Variants in COL5A3 observed in about 807,000 individuals in gnomAD.
COL5A3 encodes the protein collagen alpha-3(V) chain.
COL5A3 carries 172 observed loss-of-function variants against 250.0 expected under a neutral mutation model. That is an observed-to-expected ratio of 0.69 (90% CI 0.61 to 0.78). COL5A3 has a LOEUF of 0.78. Ranked by LOEUF, COL5A3 falls within the 30% of genes least tolerant of loss-of-function variation. COL5A3 has a pLI of 0.00. For missense variants in COL5A3, 2,340 were observed against 2,334.4 expected (o/e 1.00, Z -0.05); for synonymous variants, 937 against 900.4 (o/e 1.04, Z -0.73).
At chr19:10,003,939 C>G (rs2087400575) in intron 5 of COL5A3, 102 bp downstream of exon 5, 1 of 1,108,114 alleles carries the variant, frequency 9.0e-7, no homozygotes, top group Non-Finnish European at 1.4e-6. Context: ...GGTCACTTAA[C>G]CCCATGTCTG....
chr19:9,960,835 A>C lies in COL5A3; in HGVS notation c.4907T>G (p.Leu1636Arg), dbSNP rs1161732874. Reference protein sequence around the residue: ...SPVNVVQLNFLKLLSATARQN... With the variant: ...SPVNVVQLNFRKLLSATARQN... ...GCGAGCTGTGGCACTCAGCAGTTTC[A>C]GGAAGTTCAGCTGCACGACATTCAC... Residue 1636 changes from leucine (L) to arginine (R), a missense_variant, in exon 66 of 67, where the codon CTG becomes CGG. Coordinates refer to ENST00000264828, the MANE Select transcript of COL5A3 (RefSeq NM_015719.4). 1 of 1,612,448 alleles carries C rather than the reference A, an allele frequency of 6.2e-7. No individual in the cohort carries two copies. Among genetic ancestry groups the C allele is most frequent in the Non-Finnish European group, 8.5e-7 (1 of 1,180,038 alleles).
At chr19:9,991,351 A>G (rs987076608) in intron 24 of COL5A3, among the ~76,000 whole-genome samples, 1 of 152,228 alleles carries the variant, frequency 6.6e-6, no homozygotes, top group Non-Finnish European at 1.5e-5. Flanking sequence ...CCTCTTGGTA[A>G]TATCTTCTGT....
At chr19:9,972,375 A>G (rs185513046) in intron 51 of COL5A3, among the ~76,000 whole-genome samples, 7 of 152,320 alleles carry the variant, frequency 4.6e-5, no homozygotes, top group Non-Finnish European at 8.8e-5. Context: ...TCATTCACGT[A>G]TTCATCCATC....
intron 51 of COL5A3, among the ~76,000 whole-genome samples, chr19:9,971,861 C>T (rs1225161323): frequency 6.8e-6 from 1 of 146,738 alleles, no homozygotes; most frequent in Non-Finnish European, 1.5e-5. Flanking sequence ...GTTTATGTTT[C>T]ATTCACACAT....
Position 9,979,431 on chromosome 19 carries a change from T to C in COL5A3, c.2713-14A>G, listed in dbSNP as rs2086972173. 2.5e-6 allele frequency: 4 copies of C among 1,613,456 alleles called. No individual in the cohort carries two copies. Among genetic ancestry groups the C allele is most frequent in the Non-Finnish European group, 3.4e-6 (4 of 1,179,808 alleles). On this transcript the variant is annotated splice_polypyrimidine_tract_variant and intron_variant, in intron 37 of 66. Coordinates refer to ENST00000264828, the MANE Select transcript of COL5A3 (RefSeq NM_015719.4). ...ACCTTGGAAGCCCTAGAGAGAAAAA[T>C]TAAATGTGGGGGCGGTGTTACATGG...
At chr19:9,996,143 GTGTGGGTAGATGATTCTTCACTAA>G in intron 14 of COL5A3, 24 bp from the exon 15 acceptor site, 1 of 1,558,960 alleles carries the variant, frequency 6.4e-7, no homozygotes, top group Non-Finnish European at 8.7e-7. Flanking sequence ...AGATGGAGGA[GTGTGGGTAGATGATTCTTCACTAA>G]TGCATGCACC....
intron 51 of COL5A3, 83 bp from the exon 52 acceptor site, chr19:9,971,341 A>G: frequency 9.0e-7 from 1 of 1,110,088 alleles, no homozygotes; most frequent in African/African-American, 1.6e-5. Context: ...TGTATCCAGG[A>G]ACAGTTTGGT....
chr19:9,982,078 T>C lies in COL5A3; in HGVS notation c.2447A>G (p.Glu816Gly). 2 of 1,610,594 alleles carry C rather than the reference T, an allele frequency of 1.2e-6. No individual in the cohort carries two copies. The highest frequency in any genetic ancestry group is 1.7e-6 in the Non-Finnish European group (2 of 1,178,070). Residue 816 changes from glutamate to glycine, a missense_variant, in exon 32 of 67, where the codon GAG (glutamate) becomes GGG (glycine). Around this residue, in one of 3 missense-constraint regions of COL5A3, gnomAD observed 1,152 missense variants for 1,146.3 expected, o/e 1.00. Coordinates refer to ENST00000264828, the MANE Select transcript of COL5A3 (RefSeq NM_015719.4). ...GTCATGACTCACCGACTTCCCTTTC[T>C]CTCCTATGGGTCCCAGGGGACCGGG... ...GFPGPLGPIG[E>G]KGKSGKTGQP...
intron 66 of COL5A3, 35 bp from the exon 67 acceptor site, chr19:9,960,592 G>A (rs745721099): frequency 1.7e-5 from 27 of 1,613,530 alleles, no homozygotes; most frequent in South Asian, 5.5e-5. Flanking sequence ...GTGAGTTACC[G>A]GGAAGGTGGC....
At chr19:9,989,543 G>A (rs1343703101) in intron 24 of COL5A3, 21 bp from the exon 25 acceptor site, 1 of 1,603,606 alleles carries the variant, frequency 6.2e-7, no homozygotes, top group Admixed American at 1.7e-5. Context: ...ATGAACAGCA[G>A]GGGAGAGACA....
chr19:9,995,907 G>T, intron 15 of COL5A3, 159 bp downstream of exon 15: 2 of 800,904 alleles, frequency 2.5e-6, no homozygotes, highest in Admixed American at 2.6e-5. Context: ...GCCTCCCAAA[G>T]TTCTGGGATT....
At chr19:9,981,607 A>G (rs943109090) in intron 32 of COL5A3, among the ~76,000 whole-genome samples, 8 of 152,232 alleles carry the variant, frequency 5.3e-5, no homozygotes, top group Non-Finnish European at 7.3e-5. Context: ...ATGTTCATTA[A>G]CACTGTTACA....
chr19:9,969,559 G>A lies in COL5A3; in HGVS notation c.4098+16C>T. The A allele has an allele frequency of 6.2e-7, 1 of 1,609,384 alleles. No individual in the cohort carries two copies. The highest frequency in any genetic ancestry group is 8.5e-7 in the Non-Finnish European group (1 of 1,177,774). ...GCTGGATCCACCCTGTCCCACCCCT[G>A]CCCCGCTCCACTCACCACAGGGCCA... On this transcript the variant is annotated intron_variant, in intron 56 of 66. Transcript: ENST00000264828.
chr19:9,966,579 G>C lies in COL5A3; in HGVS notation c.4626C>G (p.Leu1542=). The change falls in exon 63 of 67, where the codon CTC becomes CTG. Residue 1542 remains leucine (L), a synonymous_variant. Transcript: ENST00000264828. The part of the protein sequence containing the change: ...RPPGTAERPG[L]VCHELHRNHP... ...GGTTGCGGTGCAGCTCGTGGCACAC[G>C]AGGCCCGGGCGCTCCGCAGTGCCGG... The C allele has an allele frequency of 6.5e-7, 1 of 1,542,276 alleles. No homozygotes were observed. Among genetic ancestry groups the C allele is most frequent in the Non-Finnish European group, 8.7e-7 (1 of 1,147,498 alleles).
intron 35 of COL5A3, among the ~76,000 whole-genome samples, 191 bp from the exon 36 acceptor site, chr19:9,980,238 C>G (rs1011266079): frequency 2.0e-5 from 3 of 152,200 alleles, no homozygotes; most frequent in Non-Finnish European, 4.4e-5. Context: ...TGAGGTTACT[C>G]CCATTTTACA....
In COL5A3 at chr19:9,977,656, C is replaced by A. The variant is rs767172539; in HGVS notation, c.3064G>T (p.Gly1022Ter). ...RGPLGPAGGI[G>*]LPGQSGSEGP... The stretch of plus-strand genomic sequence containing the variant: ...TCGCTGCCACTTTGGCCAGGAAGTC[C>A]AATGCCTCCTGCTGGGCCCAAAGGA... The change falls in exon 42 of 67, where the codon GGA becomes TGA. Residue 1022 changes from glycine (G) to a stop codon, truncating the protein, a stop_gained. Transcript: ENST00000264828. LOFTEE classifies it high-confidence loss of function. The A allele has an allele frequency of 6.2e-7, 1 of 1,608,388 alleles. No homozygotes were observed.
chr19:9,970,727 T>C, intron 53 of COL5A3, 52 bp from the exon 54 acceptor site: 1 of 1,362,878 alleles, frequency 7.3e-7, no homozygotes, highest in Non-Finnish European at 9.6e-7. Context: ...TGTTTGAGCC[T>C]GACTGTTTTA....
At position 9,962,857 on chromosome 19, in the gene COL5A3, G is replaced by A. The variant is rs547819367; in HGVS notation, c.4813C>T (p.Pro1605Ser). 3.0e-4 allele frequency: 483 copies of A among 1,611,556 alleles called. 12 individuals carry two copies. In the South Asian group the frequency reaches 3.8e-3, roughly 13 times the overall value. ...CGGAATGTGCTATACCAGCCTCCAG[G>A]CTTTTCCTTGGACCAGGAGGCCAAT... Reference protein sequence around the residue: ...VKLASWSKEKPGGWYSTFRRG... With the variant: ...VKLASWSKEKSGGWYSTFRRG... Residue 1605 changes from proline to serine, a missense_variant, in exon 65 of 67, where the codon CCT becomes TCT. Physicochemically the swap from Pro to Ser is moderately conservative, Grantham distance 74. This residue lies in a region of COL5A3 where 1,179 missense variants were observed against 1,162.6 expected (regional missense o/e 1.01). Transcript: ENST00000264828.
chr19:10,002,072 C>A (rs1392797659), intron 6 of COL5A3, among the ~76,000 whole-genome samples, 191 bp from the exon 7 acceptor site: 1 of 152,130 alleles, frequency 6.6e-6, no homozygotes, highest in Non-Finnish European at 1.5e-5. Flanking sequence ...AGGGAGCCAC[C>A]GTGGATGGAG....
Sources: gnomAD v4.1 joint callset for allele counts (sites outside exome capture counted in the v4.1 genomes callset) on GRCh38, gnomAD v4.1.1 for gene constraint, gnomAD v4.1.1 regional missense constraint, MANE v1.5 for transcripts, NCBI Gene and HGNC (gene_info 2026-07-23, HGNC 2026-07-21) for gene names.